The following THSD7B variants were observed in gnomAD, a reference collection of about 807,000 sequenced individuals.
THSD7B encodes thrombospondin type-1 domain-containing protein 7B.
A neutral mutation model predicts 213.6 loss-of-function variants in THSD7B; 138 were observed. The observed-to-expected ratio is 0.65, with a 90% confidence interval of 0.56 to 0.74. The LOEUF (loss-of-function observed/expected upper bound fraction) is 0.74. THSD7B is among the 30% of genes least tolerant of loss of function. THSD7B has a pLI of 0.00. For missense variants in THSD7B, 1,931 were observed against 1,991.5 expected (o/e 0.97, Z 0.58); for synonymous variants, 742 against 687.0 (o/e 1.08, Z -1.25).
intron 1 of THSD7B, among the ~76,000 whole-genome samples, chr2:136,799,269 A>C (rs1035114076): frequency 6.6e-6 from 1 of 152,052 alleles, no homozygotes; most frequent in Non-Finnish European, 1.5e-5. Context: ...AGATTCTTAC[A>C]AAATGTATTT....
At chr2:136,880,609 C>T (rs1683605836) in intron 1 of THSD7B, among the ~76,000 whole-genome samples, 1 of 152,104 alleles carries the variant, frequency 6.6e-6, no homozygotes, top group African/African-American at 2.4e-5. Flanking sequence ...TAAAGGGATC[C>T]CATCAGTTCA....
intron 17 of THSD7B, among the ~76,000 whole-genome samples, chr2:137,604,230 A>G (rs1682130267): frequency 1.3e-5 from 2 of 152,214 alleles, no homozygotes. Context: ...TATAAAAAGA[A>G]GTGACTATTT....
intron 2 of THSD7B, among the ~76,000 whole-genome samples, chr2:136,979,938 G>A (rs1052050245): frequency 3.3e-5 from 5 of 151,832 alleles, no homozygotes; most frequent in African/African-American, 9.7e-5. Flanking sequence ...ACTGACTTTT[G>A]GCTGGCATTT....
chr2:137,330,396 T>C (rs2104891965), intron 12 of THSD7B, among the ~76,000 whole-genome samples: 1 of 152,286 alleles, frequency 6.6e-6, no homozygotes, highest in East Asian at 1.9e-4. Context: ...TGAAAGTGTG[T>C]CCGTAATTGG....
Position 137,372,750 on chromosome 2 carries a change from G to C in THSD7B, c.2501-32863G>C, listed in dbSNP as rs370270650. ...TTAGGGTACATGTGCACAATGTGCA[G>C]GTTAGTTACATATGTATACATGTGC... On this transcript the variant is annotated intron_variant, in intron 12 of 27. Coordinates refer to ENST00000409968, the MANE Select transcript of THSD7B (RefSeq NM_001316349.2). 2.6e-5 allele frequency among the ~76,000 whole-genome samples: 4 copies of C among 151,790 alleles called. No homozygotes were observed. In the East Asian group the frequency reaches 7.8e-4, roughly 29 times the overall value.
At position 137,094,942 on chromosome 2, in the gene THSD7B, C is replaced by T. The variant is rs771414882; in HGVS notation, c.1020C>T (p.Ser340=). ...TCATGCCCAAAGACTGTGAAACCTC[C>T]CAGTGGTCCTCCTGGAGCCCCTGCT... The part of the protein sequence containing the change: ...SCIMPKDCET[S]QWSSWSPCSK... The change falls in exon 4 of 28, where the codon TCC becomes TCT. Residue 340 remains serine, a synonymous_variant. Transcript: ENST00000409968. 59 of 1,613,662 alleles carry T rather than the reference C, an allele frequency of 3.7e-5. No individual in the cohort carries two copies. Among genetic ancestry groups the T allele is most frequent in the Non-Finnish European group, 4.9e-5 (58 of 1,179,842 alleles).
At chr2:137,563,163 T>A in intron 15 of THSD7B, 58 bp from the exon 16 acceptor site, 1 of 1,568,922 alleles carries the variant, frequency 6.4e-7, no homozygotes, top group Admixed American at 1.8e-5. Flanking sequence ...AAAGATAGGC[T>A]ATTTTTCTAT....
intron 1 of THSD7B, among the ~76,000 whole-genome samples, chr2:136,860,763 C>T (rs1376507024): frequency 6.6e-6 from 1 of 152,202 alleles, no homozygotes; most frequent in African/African-American, 2.4e-5. Flanking sequence ...AAATGTAAGT[C>T]ACATGACGTC....
chr2:136,955,490 A>G (rs1340597682), intron 2 of THSD7B, among the ~76,000 whole-genome samples: 3 of 152,222 alleles, frequency 2.0e-5, no homozygotes, highest in Non-Finnish European at 2.9e-5. Flanking sequence ...CTCTGAGAGT[A>G]ACAGATATGC....
intron 13 of THSD7B, among the ~76,000 whole-genome samples, chr2:137,407,178 C>G (rs1456127414): frequency 6.6e-6 from 1 of 152,002 alleles, no homozygotes; most frequent in Non-Finnish European, 1.5e-5. Context: ...ATTTTACAAC[C>G]AGTACCATTT....
At chr2:137,296,077 A>C (rs559386841) in intron 12 of THSD7B, among the ~76,000 whole-genome samples, 46 of 151,150 alleles carry the variant, frequency 3.0e-4, no homozygotes, top group African/African-American at 1.1e-3. Context: ...AAATGGTTTG[A>C]GATTCTTTGG....
At chr2:137,287,191 C>G (rs1302672234) in intron 12 of THSD7B, among the ~76,000 whole-genome samples, 3 of 151,654 alleles carry the variant, frequency 2.0e-5, no homozygotes, top group African/African-American at 7.3e-5. Flanking sequence ...GCACTTGATA[C>G]CAAATGATGG....
chr2:136,794,723 T>C (rs1682029536), intron 1 of THSD7B, among the ~76,000 whole-genome samples: 1 of 152,038 alleles, frequency 6.6e-6, no homozygotes, highest in Non-Finnish European at 1.5e-5. Flanking sequence ...AATTGTGTTC[T>C]TCACATCTTC....
intron 2 of THSD7B, among the ~76,000 whole-genome samples, chr2:136,921,238 A>AC (rs1394022410): frequency 2.1e-5 from 3 of 145,908 alleles, no homozygotes; most frequent in Non-Finnish European, 4.5e-5. Context: ...AAAAAAAAAA[A>AC]CCACATAGGC....
intron 1 of THSD7B, among the ~76,000 whole-genome samples, chr2:136,824,740 A>G (rs533066583): frequency 9.2e-5 from 14 of 152,318 alleles, no homozygotes; most frequent in African/African-American, 3.4e-4. Context: ...ATCAGAATCA[A>G]CTGTGTTTCT....
At chr2:137,510,398 T>A (rs1361572205) in intron 15 of THSD7B, among the ~76,000 whole-genome samples, 2 of 151,968 alleles carry the variant, frequency 1.3e-5, no homozygotes, top group Admixed American at 1.3e-4. Context: ...CCCCATTATT[T>A]TTGCATTGTC....
intron 2 of THSD7B, among the ~76,000 whole-genome samples, chr2:136,884,104 T>C (rs1468545626): frequency 6.7e-6 from 1 of 149,894 alleles, no homozygotes; most frequent in Non-Finnish European, 1.5e-5. Flanking sequence ...TACACATTTA[T>C]GCATGTTTAT....
chr2:137,624,676 A>T (rs1682589169), intron 20 of THSD7B, among the ~76,000 whole-genome samples: 1 of 152,240 alleles, frequency 6.6e-6, no homozygotes. Flanking sequence ...ATATGAACAG[A>T]CACTTCTCAA....
chr2:137,363,096 A>T (rs914291996), intron 12 of THSD7B, among the ~76,000 whole-genome samples: 3 of 152,152 alleles, frequency 2.0e-5, no homozygotes, highest in Non-Finnish European at 4.4e-5. Context: ...TCAAAACTGC[A>T]CAAATATATG....
Sources: gnomAD v4.1 joint callset for allele counts (sites outside exome capture counted in the v4.1 genomes callset) on GRCh38, gnomAD v4.1.1 for gene constraint, MANE v1.5 for transcripts, NCBI Gene and HGNC (gene_info 2026-07-23, HGNC 2026-07-21) for gene names.